The following HERC1 variants were observed in gnomAD, a reference collection of about 807,000 sequenced individuals.
The protein encoded by HERC1 is probable E3 ubiquitin-protein ligase HERC1.
Under a neutral mutation model 554.3 loss-of-function variants are expected in HERC1, and 160 were observed. The observed-to-expected ratio is 0.29, with a 90% CI of 0.25 to 0.33. The LOEUF is 0.33. HERC1 is among the 10% of genes least tolerant of loss of function. The pLI is 1.00. For missense variants in HERC1, 4,919 were observed against 5,918.5 expected (o/e 0.83, Z 5.54); for synonymous variants, 2,175 against 2,131.7 (o/e 1.02, Z -0.56).
chr15:63,674,199 G>GA (rs916129793), intron 38 of HERC1, 143 bp downstream of exon 38: 11 of 561,398 alleles, frequency 2.0e-5, no homozygotes, highest in African/African-American at 1.2e-4. Flanking sequence ...CTGTTTTCAA[G>GA]AAAAAATGAT....
At chr15:63,647,951 G>GTA (rs2069443827) in intron 55 of HERC1, 118 bp downstream of exon 55, 1 of 784,504 alleles carries the variant, frequency 1.3e-6, no homozygotes, top group Non-Finnish European at 2.1e-6. Flanking sequence ...TGGGTACAAT[G>GTA]TATGTCATTT....
At chr15:63,679,688 T>C (rs1034726854) in intron 36 of HERC1, among the ~76,000 whole-genome samples, 1 of 152,238 alleles carries the variant, frequency 6.6e-6, no homozygotes, top group African/African-American at 2.4e-5. Flanking sequence ...TTCCCCCAGC[T>C]GAATGAAAGG....
intron 1 of HERC1, among the ~76,000 whole-genome samples, chr15:63,829,561 G>GTGTGTGTATATATATATATATATATATA (rs1220043639): frequency 2.4e-5 from 2 of 81,760 alleles, no homozygotes; most frequent in East Asian, 2.7e-4. Context: ...GTGTGTGTGT[G>GTGTGTGTATATATATATATATATATATA]TATATATATA....
intron 14 of HERC1, among the ~76,000 whole-genome samples, chr15:63,731,899 G>T (rs984674634): frequency 3.3e-5 from 5 of 152,238 alleles, no homozygotes; most frequent in Non-Finnish European, 5.9e-5. Flanking sequence ...GATTGGTAGA[G>T]AAAAACAACA....
At chr15:63,808,895 G>A (rs1364975397) in intron 1 of HERC1, among the ~76,000 whole-genome samples, 4 of 152,130 alleles carry the variant, frequency 2.6e-5, no homozygotes, top group Admixed American at 1.3e-4. Flanking sequence ...ATAAAGGAAA[G>A]CCTACATCAT....
intron 22 of HERC1, 98 bp from the exon 23 acceptor site, chr15:63,713,763 TACTG>T (rs2073415617): frequency 3.7e-6 from 4 of 1,091,214 alleles, no homozygotes; most frequent in Non-Finnish European, 5.2e-6. Context: ...ACCAAAAACT[TACTG>T]AAAGAGGGAA....
At chr15:63,830,582 T>C (rs1003315423) in intron 1 of HERC1, among the ~76,000 whole-genome samples, 5 of 152,150 alleles carry the variant, frequency 3.3e-5, no homozygotes, top group Admixed American at 1.3e-4. Flanking sequence ...CTATAGTCAA[T>C]AGAGTTACAC....
intron 1 of HERC1, chr15:63,780,074 A>G (rs560028255): frequency 2.6e-5 from 4 of 151,702 alleles, no homozygotes; most frequent in African/African-American, 9.7e-5. Flanking sequence ...CCAACACACT[A>G]TTGAGGTTCC....
At chr15:63,737,436 ATATATATCTTTTTTCCAGATATATATAT>A (rs1234595024) in intron 12 of HERC1, among the ~76,000 whole-genome samples, 1 of 129,078 alleles carries the variant, frequency 7.7e-6, no homozygotes, top group African/African-American at 2.9e-5. Context: ...AGATATATAT[ATATATATCTTTTTTCCAGATATATATAT>A]ATATATCTTT....
At position 63,744,164 on chromosome 15, in the gene HERC1, G is replaced by GTGTGTGTGTGTGTGTGTCTC; in HGVS notation, c.2520+2753_2520+2754insGAGACACACACACACACACA. 1.1e-3 allele frequency among the ~76,000 whole-genome samples: 53 copies of GTGTGTGTGTGTGTGTGTCTC among 46,262 alleles called. 1 individual carries two copies. The highest frequency in any genetic ancestry group is 2.3e-3 in the African/African-American group (34 of 14,896). The allele number at this position is 46,262 out of a possible 152,430, so 30.3% of individuals were successfully genotyped here. A position where few individuals can be genotyped will look rare whatever the true frequency, so the allele number is the denominator to read the frequency against. On this transcript the variant is annotated intron_variant, in intron 12 of 77. Transcript: ENST00000443617. ...TGTGTGTGTGTGTGTGTGTGTGTGT[G>GTGTGTGTGTGTGTGTGTCTC]TCTCTCTCTCTCTCTCTCTCTCTCT...
At chr15:63,624,040 G>T in intron 72 of HERC1, 118 bp downstream of exon 72, 2 of 1,229,818 alleles carry the variant, frequency 1.6e-6, no homozygotes, top group Non-Finnish European at 2.3e-6. Flanking sequence ...ACTAATGTAA[G>T]TACTATTACT....
chr15:63,714,545 G>GTT (rs773905620), intron 22 of HERC1, among the ~76,000 whole-genome samples: 4,412 of 95,798 alleles, frequency 0.046, 188 homozygotes, highest in African/African-American at 0.055. Flanking sequence ...TCCTTTTTCT[G>GTT]TTTTTTTTTT....
intron 12 of HERC1, among the ~76,000 whole-genome samples, chr15:63,745,322 G>C (rs756258858): frequency 6.6e-5 from 10 of 152,154 alleles, no homozygotes; most frequent in African/African-American, 9.7e-5. Flanking sequence ...TTCAGCACTA[G>C]GACTCGCCTA....
At position 63,725,401 on chromosome 15, in the gene HERC1, A is replaced by G; in HGVS notation, c.3459T>C (p.Leu1153=). The G allele has an allele frequency of 6.2e-7, 1 of 1,613,930 alleles. No homozygotes were observed. The highest frequency in any genetic ancestry group is 8.5e-7 in the Non-Finnish European group (1 of 1,179,856). ...RTIALLIGRC[L]GGMLQGSPVS... Reference sequence around the variant, plus strand: ...CAGGGGAGCCCTGAAGCATGCCACCAAGACACCGCCCAATAAGGAGAGCAA... The same window carrying G: ...CAGGGGAGCCCTGAAGCATGCCACCGAGACACCGCCCAATAAGGAGAGCAA... The change falls in exon 18 of 78, where the codon CTT becomes CTC. Residue 1153 remains leucine, a synonymous_variant. Transcript: ENST00000443617.
At chr15:63,615,981 T>C (rs2067798261) in intron 75 of HERC1, 61 bp from the exon 76 acceptor site, 1 of 1,324,986 alleles carries the variant, frequency 7.5e-7, no homozygotes, top group Non-Finnish European at 1.0e-6. Flanking sequence ...AAAAGTATTT[T>C]ACATACAAAT....
intron 1 of HERC1, among the ~76,000 whole-genome samples, chr15:63,782,132 T>C (rs1240056083): frequency 6.6e-6 from 1 of 152,232 alleles, no homozygotes; most frequent in Admixed American, 6.5e-5. Flanking sequence ...CCAGAATATC[T>C]ACCTAAGGTA....
Position 63,749,437 on chromosome 15 carries a change from C to T in HERC1, c.2149G>A (p.Gly717Ser), listed in dbSNP as rs202182659. 6.7e-5 allele frequency: 108 copies of T among 1,613,826 alleles called. No individual in the cohort carries two copies. The highest frequency in any genetic ancestry group is 8.6e-5 in the Non-Finnish European group (101 of 1,179,790). Reference protein sequence around the residue: ...TKPKKVSGLDGIAIQQISAGT... With the variant: ...TKPKKVSGLDSIAIQQISAGT... ...GCCGAAATCTGCTGAATAGCTATGC[C>T]ATCTAAGCCACTCACTTTCTTTGGT... Residue 717 changes from glycine (G) to serine (S), a missense_variant, in exon 10 of 78, where the codon GGC becomes AGC. Transcript: ENST00000443617. The surrounding 1 kb of genome is among the most constrained non-coding windows in gnomAD (Gnocchi z 4.1).
chr15:63,693,405 G>C (rs1213106682), intron 30 of HERC1, among the ~76,000 whole-genome samples: 2 of 151,962 alleles, frequency 1.3e-5, no homozygotes, highest in Non-Finnish European at 2.9e-5. Flanking sequence ...CACCATGCCA[G>C]GCTAATTTTC....
At chr15:63,755,001 T>A (rs1416036495) in intron 6 of HERC1, among the ~76,000 whole-genome samples, 1 of 152,194 alleles carries the variant, frequency 6.6e-6, no homozygotes, top group Non-Finnish European at 1.5e-5. Flanking sequence ...AACCCTACAA[T>A]GCCTGGTCAT....
Sources: gnomAD v4.1 joint callset for allele counts (sites outside exome capture counted in the v4.1 genomes callset) on GRCh38, gnomAD v4.1.1 for gene constraint, Gnocchi (gnomAD v3.1) non-coding constraint, MANE v1.5 for transcripts, NCBI Gene and HGNC (gene_info 2026-07-23, HGNC 2026-07-21) for gene names.